TBC1D5: variants seen among roughly 807,000 people sequenced by gnomAD.
The protein encoded by TBC1D5 is TBC1 domain family member 5.
A neutral mutation model predicts 100.3 loss-of-function variants in TBC1D5; 75 were observed. The ratio of observed to expected loss-of-function variants is 0.75; its 90% CI spans 0.62 to 0.91. The LOEUF (loss-of-function observed/expected upper bound fraction) is 0.91, where lower values mean the gene tolerates loss of function less well. Ranked by LOEUF, TBC1D5 falls within the 40% of genes least tolerant of loss-of-function variation. The probability of loss-of-function intolerance (pLI) is 0.00; values close to 1 mark genes in which losing one functional copy is unlikely to be tolerated. For synonymous variants in TBC1D5, 323 were observed against 325.6 expected, an observed-to-expected ratio of 0.99 and a Z score of 0.09; for missense variants, 910 against 942.4, an observed-to-expected ratio of 0.97 and a Z score of 0.45.
exon 22 of TBC1D5, chr3:17,161,118 A>T (rs751207315): frequency 2.5e-6 from 4 of 1,614,178 alleles, no homozygotes; most frequent in Non-Finnish European, 3.4e-6. Context: ...CTTTTCCCAG[A>T]GGTGCTTCTG....
chr3:17,190,287 T>C (rs1575835746), intron 18 of TBC1D5, among the ~76,000 whole-genome samples: 1 of 152,018 alleles, frequency 6.6e-6, no homozygotes, highest in Non-Finnish European at 1.5e-5. Flanking sequence ...CCAAGAGAGG[T>C]ACAAGATAAG....
At chr3:17,267,505 A>G (rs1411577190) in intron 15 of TBC1D5, among the ~76,000 whole-genome samples, 4 of 152,190 alleles carry the variant, frequency 2.6e-5, no homozygotes, top group Non-Finnish European at 1.5e-5. Flanking sequence ...GTGATCTCAA[A>G]AAAATATTCC....
intron 13 of TBC1D5, among the ~76,000 whole-genome samples, chr3:17,359,870 G>A (rs959908384): frequency 2.0e-5 from 3 of 151,808 alleles, no homozygotes; most frequent in Non-Finnish European, 4.4e-5. Flanking sequence ...ATGGAAAAAC[G>A]GAGACCCATG....
chr3:17,371,700 G>A (rs932452456), intron 13 of TBC1D5, among the ~76,000 whole-genome samples: 6 of 152,238 alleles, frequency 3.9e-5, no homozygotes, highest in Middle Eastern at 3.4e-3. Flanking sequence ...TTAAGGATCC[G>A]AGCACATAGA....
intron 1 of TBC1D5, among the ~76,000 whole-genome samples, chr3:17,641,461 T>C (rs1181616161): frequency 6.6e-6 from 1 of 152,144 alleles, no homozygotes; most frequent in Non-Finnish European, 1.5e-5. Context: ...CTATGTCATA[T>C]ATAAAGTGGG....
At chr3:17,195,842 C>A (rs1303690077) in intron 18 of TBC1D5, among the ~76,000 whole-genome samples, 1 of 151,728 alleles carries the variant, frequency 6.6e-6, no homozygotes, top group East Asian at 1.9e-4. Flanking sequence ...CTCTAAATTG[C>A]CTGGTTTATT....
Position 17,235,706 on chromosome 3 carries a change from G to T in TBC1D5, c.1588+2457C>A, listed in dbSNP as rs190608118. Among the ~76,000 whole-genome samples the T allele has an allele frequency of 2.6e-4, 40 of 152,326 alleles. No individual in the cohort carries two copies. The East Asian group carries it at 7.3e-3, about 28-fold the overall frequency. ...CCCAAATCTCTTATTTCAGGGTGAG[G>T]AAAGAAGAGGGTCAGAGAGCTTCAG... On this transcript the variant is annotated intron_variant, in intron 17 of 21. Coordinates refer to ENST00000253692, the Ensembl canonical transcript of TBC1D5.
chr3:17,517,994 G>A (rs117571854), intron 2 of TBC1D5, among the ~76,000 whole-genome samples: 3 of 152,122 alleles, frequency 2.0e-5, no homozygotes, highest in African/African-American at 4.8e-5. Flanking sequence ...GTTCACTGTT[G>A]TCACTCCTGG....
intron 14 of TBC1D5, among the ~76,000 whole-genome samples, chr3:17,302,480 G>C (rs559309795): frequency 2.6e-5 from 4 of 152,108 alleles, no homozygotes; most frequent in African/African-American, 9.7e-5. Context: ...TTGTTGAGGG[G>C]GGGGATACAA....
At chr3:17,209,789 G>C (rs1410802025) in intron 18 of TBC1D5, among the ~76,000 whole-genome samples, 1 of 152,150 alleles carries the variant, frequency 6.6e-6, no homozygotes, top group Admixed American at 6.5e-5. Context: ...CTCATGCCTA[G>C]TTGTATAAAT....
chr3:17,349,388 G>C (rs2090290872), intron 13 of TBC1D5, among the ~76,000 whole-genome samples: 1 of 152,142 alleles, frequency 6.6e-6, no homozygotes, highest in Non-Finnish European at 1.5e-5. Context: ...AGAATCACTG[G>C]TATACATTAT....
intron 9 of TBC1D5, 37 bp from the exon 10 acceptor site, chr3:17,376,650 T>G: frequency 6.4e-7 from 1 of 1,554,090 alleles, no homozygotes; most frequent in Non-Finnish European, 8.8e-7. Flanking sequence ...AAGAGATGGA[T>G]ACTCAGAGTC....
At chr3:17,703,830 C>G (rs1440227967) in intron 1 of TBC1D5, among the ~76,000 whole-genome samples, 1 of 151,622 alleles carries the variant, frequency 6.6e-6, no homozygotes, top group Non-Finnish European at 1.5e-5. Context: ...AATAATTGTG[C>G]TAATTCCTTT....
intron 3 of TBC1D5, among the ~76,000 whole-genome samples, chr3:17,495,245 C>T (rs1331576626): frequency 6.6e-6 from 1 of 152,224 alleles, no homozygotes; most frequent in Admixed American, 6.5e-5. Flanking sequence ...GCATTTTATA[C>T]TTAAATATTT....
At chr3:17,522,294 A>G (rs2096071918) in intron 2 of TBC1D5, among the ~76,000 whole-genome samples, 2 of 152,156 alleles carry the variant, frequency 1.3e-5, no homozygotes, top group South Asian at 4.1e-4. Flanking sequence ...TTCTAACACC[A>G]AAACTGTTTA....
chr3:17,383,203 A>T (rs760555066), intron 9 of TBC1D5, among the ~76,000 whole-genome samples: 20 of 152,052 alleles, frequency 1.3e-4, no homozygotes, highest in Middle Eastern at 7.5e-3. Flanking sequence ...AGTGGTCCTG[A>T]ATTAGGTATA....
chr3:17,285,266 T>C (rs1331573298), intron 15 of TBC1D5, among the ~76,000 whole-genome samples: 1 of 51,586 alleles, frequency 1.9e-5, no homozygotes, highest in Non-Finnish European at 5.1e-5. Flanking sequence ...TTTTTTTTTT[T>C]TTTTTTTTTT....
intron 16 of TBC1D5, among the ~76,000 whole-genome samples, chr3:17,244,106 G>A (rs894556098): frequency 3.3e-5 from 5 of 152,188 alleles, no homozygotes; most frequent in Non-Finnish European, 5.9e-5. Context: ...CAAAAGCTAT[G>A]ACATAGGAAA....
chr3:17,425,779 A>C (rs1352861058), intron 4 of TBC1D5, among the ~76,000 whole-genome samples: 1 of 152,228 alleles, frequency 6.6e-6, no homozygotes, highest in Middle Eastern at 3.2e-3. Flanking sequence ...CATATGTTAG[A>C]GAAGGGTACA....
Sources: gnomAD v4.1 joint callset for allele counts (sites outside exome capture counted in the v4.1 genomes callset) on GRCh38, gnomAD v4.1.1 for gene constraint, MANE v1.5 for transcripts, NCBI Gene and HGNC (gene_info 2026-07-23, HGNC 2026-07-21) for gene names.